Variants in GPR39 observed in about 807,000 individuals in gnomAD.
GPR39 encodes G protein-coupled receptor 39.
In GPR39, 23 loss-of-function variants were observed where a neutral mutation model predicts 18.4. That is an observed-to-expected ratio of 1.25 (90% CI 0.90 to 1.77). The LOEUF is 1.77. GPR39 is among the 40% of genes most tolerant of loss of function. The pLI is 0.00. For missense variants in GPR39, 647 were observed against 602.4 expected, an observed-to-expected ratio of 1.07 and a Z score of -0.78; for synonymous variants, 280 against 257.9, an observed-to-expected ratio of 1.09 and a Z score of -0.82.
intron 1 of GPR39, among the ~76,000 whole-genome samples, chr2:132,528,186 A>G (rs779861733): frequency 6.6e-5 from 10 of 152,190 alleles, no homozygotes; most frequent in Non-Finnish European, 1.2e-4. Context: ...TTAAATGGGG[A>G]ATCCTTTCTC....
chr2:132,507,283 G>A (rs1355921364), intron 1 of GPR39, among the ~76,000 whole-genome samples: 1 of 152,006 alleles, frequency 6.6e-6, no homozygotes, highest in Non-Finnish European at 1.5e-5. Flanking sequence ...TAAAAAGGTG[G>A]GGCAAACTAT....
chr2:132,513,200 A>T (rs1469714543), intron 1 of GPR39, among the ~76,000 whole-genome samples: 1 of 152,218 alleles, frequency 6.6e-6, no homozygotes, highest in Non-Finnish European at 1.5e-5. Flanking sequence ...AAGACTTCTT[A>T]TGGCCTAGCC....
At chr2:132,493,280 A>T (rs1048952900) in intron 1 of GPR39, among the ~76,000 whole-genome samples, 1 of 146,434 alleles carries the variant, frequency 6.8e-6, no homozygotes, top group African/African-American at 2.5e-5. Flanking sequence ...TATGTATACC[A>T]TATATACCAT....
At chr2:132,604,091 C>T (rs1389981225) in intron 1 of GPR39, among the ~76,000 whole-genome samples, 1 of 152,148 alleles carries the variant, frequency 6.6e-6, no homozygotes, top group African/African-American at 2.4e-5. Context: ...CATGCTTGCC[C>T]TACTGTGAGT....
chr2:132,618,867 G>A (rs1305491168), intron 1 of GPR39, among the ~76,000 whole-genome samples: 1 of 152,208 alleles, frequency 6.6e-6, no homozygotes, highest in Non-Finnish European at 1.5e-5. Context: ...ATGGGAGAGG[G>A]GCCAAGGGTG....
chr2:132,555,133 A>G (rs925189189), intron 1 of GPR39, among the ~76,000 whole-genome samples: 3 of 151,904 alleles, frequency 2.0e-5, no homozygotes, highest in African/African-American at 7.3e-5. Flanking sequence ...TTGTATTTTT[A>G]GTAGAGACGG....
intron 1 of GPR39, among the ~76,000 whole-genome samples, chr2:132,644,213 T>TA (rs896853424): frequency 1.3e-5 from 2 of 152,208 alleles, no homozygotes; most frequent in Non-Finnish European, 2.9e-5. Flanking sequence ...GGTGGTTACT[T>TA]AAGTTGGAAT....
intron 1 of GPR39, among the ~76,000 whole-genome samples, chr2:132,511,914 G>A (rs1484651228): frequency 2.6e-5 from 4 of 151,828 alleles, no homozygotes; most frequent in South Asian, 2.1e-4. Context: ...ACTGTGCTAC[G>A]TGCGTATCGA....
intron 1 of GPR39, among the ~76,000 whole-genome samples, chr2:132,565,444 C>T (rs1316642320): frequency 6.8e-6 from 1 of 147,730 alleles, no homozygotes; most frequent in East Asian, 2.0e-4. Context: ...TACATGTGCA[C>T]ATTGTGCAGG....
In GPR39 at chr2:132,437,421, C is replaced by A. The variant is rs188504789; in HGVS notation, c.856+19523C>A. Among the ~76,000 whole-genome samples the A allele has an allele frequency of 3.5e-3, 531 of 152,192 alleles. 2 individuals are homozygous for A. The highest frequency in any genetic ancestry group is 6.1e-3 in the Non-Finnish European group (418 of 68,022). On this transcript the variant is annotated intron_variant, in intron 1 of 1. Transcript: ENST00000329321. ...GGGGAAGCATTTGAGAAGAGACATG[C>A]AGGGAGTGTGTGTGATTGGCTGGGG...
chr2:132,494,555 C>G (rs1344762691), intron 1 of GPR39, among the ~76,000 whole-genome samples: 2 of 152,158 alleles, frequency 1.3e-5, no homozygotes, highest in Admixed American at 1.3e-4. Flanking sequence ...TAGGCCTTCC[C>G]TGAGCAGCCG....
chr2:132,540,147 G>A (rs900796224), intron 1 of GPR39, among the ~76,000 whole-genome samples: 37 of 152,102 alleles, frequency 2.4e-4, no homozygotes, highest in Admixed American at 2.4e-3. Context: ...TAAACTTCTT[G>A]TACTCATCTA....
chr2:132,576,813 T>C (rs3115011), intron 1 of GPR39, among the ~76,000 whole-genome samples: 80,714 of 152,026 alleles, frequency 0.53, 22,580 homozygotes, highest in East Asian at 0.92. Context: ...CCAAGGTTTT[T>C]GTTGTTGTTT....
intron 1 of GPR39, among the ~76,000 whole-genome samples, chr2:132,594,879 G>T (rs1051046605): frequency 6.6e-6 from 1 of 152,090 alleles, no homozygotes; most frequent in Non-Finnish European, 1.5e-5. Context: ...TATCTCATAG[G>T]GTTGATCTGA....
intron 1 of GPR39, among the ~76,000 whole-genome samples, chr2:132,436,650 A>T (rs113824970): frequency 6.6e-5 from 10 of 152,144 alleles, no homozygotes; most frequent in Non-Finnish European, 1.2e-4. Flanking sequence ...AGAGGTGGGT[A>T]GTATTTGTGA....
At chr2:132,447,550 T>A (rs1242037707) in intron 1 of GPR39, among the ~76,000 whole-genome samples, 1 of 152,224 alleles carries the variant, frequency 6.6e-6, no homozygotes, top group Non-Finnish European at 1.5e-5. Flanking sequence ...ATTTGTATTA[T>A]AACTATTATA....
At chr2:132,456,304 CTTT>C (rs55848082) in intron 1 of GPR39, among the ~76,000 whole-genome samples, 145 of 142,872 alleles carry the variant, frequency 1.0e-3, no homozygotes, top group Middle Eastern at 3.5e-3. Flanking sequence ...GCAACCCCTG[CTTT>C]TTTTTTTTTT....
rs549272152 is a variant in GPR39, at chr2:132,440,816, T to C, written c.856+22918T>C. ...GTCAAAAGAGGCTAAAGTGGCTCAGTTGCAACAAGACCCAGGAAGGATATG... is the reference window on the plus strand; with the variant it reads ...GTCAAAAGAGGCTAAAGTGGCTCAGCTGCAACAAGACCCAGGAAGGATATG... On this transcript the variant is annotated intron_variant, in intron 1 of 1. Coordinates refer to ENST00000329321, the MANE Select transcript of GPR39 (RefSeq NM_001508.3). 2.6e-5 allele frequency among the ~76,000 whole-genome samples: 4 copies of C among 152,308 alleles called. No individual in the cohort carries two copies. The South Asian group carries it at 8.3e-4, about 32-fold the overall frequency.
chr2:132,502,383 T>G (rs1277587227), intron 1 of GPR39, among the ~76,000 whole-genome samples: 3 of 152,170 alleles, frequency 2.0e-5, no homozygotes, highest in African/African-American at 7.2e-5. Context: ...TGTTTTGTTT[T>G]GGAGGCTAAA....
Sources: allele counts gnomAD v4.1 joint callset (sites outside exome capture counted in the v4.1 genomes callset), GRCh38; gene constraint gnomAD v4.1.1; transcripts MANE v1.5; gene names NCBI Gene and HGNC (gene_info 2026-07-23, HGNC 2026-07-21).